KLF13: variants seen among roughly 807,000 people sequenced by gnomAD.
The protein encoded by KLF13 is KLF transcription factor 13.
KLF13 carries 8 observed loss-of-function variants against 16.7 expected under a neutral mutation model. That is an observed-to-expected ratio of 0.48 (90% CI 0.28 to 0.87). The LOEUF is 0.87. Among genes scored for constraint, KLF13 ranks in the 40% least tolerant of loss-of-function variants. The pLI, the probability that KLF13 is intolerant of heterozygous loss-of-function variation, is 0.10. For missense variants in KLF13, 447 were observed against 452.2 expected, an observed-to-expected ratio of 0.99 and a Z score of 0.10; for synonymous variants, 245 against 208.4, an observed-to-expected ratio of 1.18 and a Z score of -1.51.
At chr15:31,343,622 G>A (rs1023906506) in intron 1 of KLF13, among the ~76,000 whole-genome samples, 1 of 152,208 alleles carries the variant, frequency 6.6e-6, no homozygotes, top group Admixed American at 6.5e-5. Flanking sequence ...AGCAAGAACT[G>A]GATTTCATGT....
intron 1 of KLF13, among the ~76,000 whole-genome samples, chr15:31,338,964 C>T (rs1187248085): frequency 6.6e-6 from 1 of 152,076 alleles, no homozygotes; most frequent in East Asian, 1.9e-4. Context: ...AGGGTGAAGG[C>T]ACCCCTTCTT....
downstream of KLF13, among the ~76,000 whole-genome samples, chr15:31,381,037 T>C (rs2039718031): frequency 6.6e-6 from 1 of 152,034 alleles, no homozygotes; most frequent in Non-Finnish European, 1.5e-5. Flanking sequence ...CCGGGCATGG[T>C]GGCGGGTGCC....
chr15:31,364,945 CCT>C (rs1319042329), intron 1 of KLF13, among the ~76,000 whole-genome samples: 1 of 152,234 alleles, frequency 6.6e-6, no homozygotes, highest in Non-Finnish European at 1.5e-5. Context: ...TTCTGCTACC[CCT>C]GAGGCTGTAT....
At chr15:31,407,170 A>G (rs1358316621), downstream of KLF13, among the ~76,000 whole-genome samples, 3 of 152,166 alleles carry the variant, frequency 2.0e-5, no homozygotes, top group African/African-American at 7.2e-5. Flanking sequence ...TTCTCAAGTT[A>G]TTTGATAGGA....
At position 31,372,380 on chromosome 15, in the gene KLF13, G is replaced by T; in HGVS notation, c.*81G>T. ...CTTTTGTAATAAGAAAGAAGAGAGA[G>T]AACTTGATGCAAAGTCCACGAAAAA... On this transcript the variant is annotated 3_prime_UTR_variant, in exon 2 of 2. Transcript: ENST00000307145. 7.5e-7 allele frequency: 1 copy of T among 1,333,880 alleles called. No individual in the cohort carries two copies. The highest frequency in any genetic ancestry group is 1.9e-5 in the South Asian group (1 of 53,194). The allele number at this position is 1,333,880 out of a possible 1,614,324, so 82.6% of individuals were successfully genotyped here. A position where few individuals can be genotyped will look rare whatever the true frequency, so the allele number is the denominator to read the frequency against.
At chr15:31,328,598 C>G (rs1002649470) in intron 1 of KLF13, among the ~76,000 whole-genome samples, 5 of 151,556 alleles carry the variant, frequency 3.3e-5, no homozygotes, top group Admixed American at 6.5e-5. Flanking sequence ...TGCCCTGGGC[C>G]GGTGCGGGGC....
intron 1 of KLF13, among the ~76,000 whole-genome samples, chr15:31,340,203 C>T: frequency 6.6e-6 from 1 of 152,274 alleles, no homozygotes; most frequent in East Asian, 1.9e-4. Context: ...TGTGGGTCCT[C>T]TCTCCACTGC....
chr15:31,372,328 C>A lies in KLF13; in HGVS notation c.*29C>A. 1 of 1,439,832 alleles carries A rather than the reference C, an allele frequency of 6.9e-7. No homozygotes were observed. The highest frequency in any genetic ancestry group is 1.5e-5 in the South Asian group (1 of 68,814). The allele number at this position is 1,439,832 out of a possible 1,614,324, so 89.2% of individuals were successfully genotyped here. ...CGCCACAGCCATGAGCAGCCGCTCC[C>A]ACCCCCTCGTGAGTCCCTGGCCTTT... On this transcript the variant is annotated 3_prime_UTR_variant, in exon 2 of 2. Coordinates refer to ENST00000307145, the MANE Select transcript of KLF13 (RefSeq NM_015995.4).
intron 1 of KLF13, among the ~76,000 whole-genome samples, chr15:31,330,667 A>T (rs1024843388): frequency 6.6e-6 from 1 of 152,262 alleles, no homozygotes; most frequent in Non-Finnish European, 1.5e-5. Flanking sequence ...TGTCCTGGTT[A>T]GCTGTGTAGC....
chr15:31,402,072 G>A (rs2040045043), intron 2 of KLF13, among the ~76,000 whole-genome samples: 2 of 152,230 alleles, frequency 1.3e-5, no homozygotes, highest in Non-Finnish European at 2.9e-5. Flanking sequence ...GTCTGGGTGA[G>A]CAGCACCAAT....
rs1566848324 is a variant in KLF13 at position 31,423,140 on chromosome 15, T to TATAC, written n.118-12229_118-12226dup. Among the ~76,000 whole-genome samples the TATAC allele has an allele frequency of 2.3e-4, 10 of 43,450 alleles. 1 individual carries two copies. Among genetic ancestry groups the TATAC allele is most frequent in the African/African-American group, 7.5e-4 (3 of 3,998 alleles). The allele number at this position is 43,450 out of a possible 152,430, so 28.5% of individuals were successfully genotyped here. On this transcript the variant is annotated intron_variant and non_coding_transcript_variant, in intron 1 of 1. Coordinates refer to the KLF13 transcript ENST00000558225. ...ATATATACGTATATATACGTATACG[T>TATAC]ATACGTATATATACGTATATATATG...
At chr15:31,429,598 T>A (rs1403365036) in intron 1 of KLF13, among the ~76,000 whole-genome samples, 1 of 152,126 alleles carries the variant, frequency 6.6e-6, no homozygotes, top group African/African-American at 2.4e-5. Flanking sequence ...GTTATGTATA[T>A]TTTACCAGAA....
chr15:31,431,018 C>G (rs1415740938), intron 1 of KLF13, among the ~76,000 whole-genome samples: 1 of 152,174 alleles, frequency 6.6e-6, no homozygotes. Flanking sequence ...CGTTGAAATT[C>G]TAACCCCCAA....
chr15:31,352,561 C>A (rs982377778), intron 1 of KLF13, among the ~76,000 whole-genome samples: 15 of 152,290 alleles, frequency 9.8e-5, no homozygotes, highest in Admixed American at 8.5e-4. Flanking sequence ...GTGCCTCTGG[C>A]TCCTGGCCCT....
rs1223041418 is a variant in KLF13 at position 31,327,021 on chromosome 15, G to A, written c.-192G>A. ...TGCGCTCACTCTTCGGTGCCCGGCC[G>A]GGCCGGCGCCTCGCAGACGCGGAGC... is the stretch of plus-strand genomic sequence containing the variant. On this transcript the variant is annotated 5_prime_UTR_variant, in exon 1 of 2. Coordinates refer to ENST00000307145, the MANE Select transcript of KLF13 (RefSeq NM_015995.4). 3.7e-5 allele frequency: 11 copies of A among 297,398 alleles called. No individual in the cohort carries two copies. The highest frequency in any genetic ancestry group is 5.7e-5 in the Non-Finnish European group (11 of 193,234). 18.4% of individuals were successfully genotyped at this position (297,398 alleles called of 1,614,324 possible). A position where few individuals can be genotyped will look rare whatever the true frequency, so the allele number is the denominator to read the frequency against.
chr15:31,419,006 G>T (rs562433633), intron 1 of KLF13, among the ~76,000 whole-genome samples: 1 of 152,260 alleles, frequency 6.6e-6, no homozygotes, highest in South Asian at 2.1e-4. Flanking sequence ...TCACAGTTCT[G>T]CAGCTGTACA....
intron 2 of KLF13, among the ~76,000 whole-genome samples, chr15:31,395,948 AC>A (rs1390965257): frequency 1.3e-5 from 2 of 152,106 alleles, no homozygotes; most frequent in Non-Finnish European, 2.9e-5. Flanking sequence ...CTGGACATTC[AC>A]CAGCTTTTCT....
At chr15:31,360,535 A>G (rs986817970) in intron 1 of KLF13, among the ~76,000 whole-genome samples, 4 of 152,308 alleles carry the variant, frequency 2.6e-5, no homozygotes, top group African/African-American at 9.6e-5. Flanking sequence ...GGGTAGGGGT[A>G]ACTTGCTCCT....
chr15:31,410,246 A>G (rs2063276778), intron 1 of KLF13, among the ~76,000 whole-genome samples: 1 of 152,100 alleles, frequency 6.6e-6, no homozygotes, highest in African/African-American at 2.4e-5. Context: ...AAGAAGAGTT[A>G]TAAATAATAA....
Sources: allele counts gnomAD v4.1 joint callset (sites outside exome capture counted in the v4.1 genomes callset), GRCh38; gene constraint gnomAD v4.1.1; transcripts MANE v1.5; gene names NCBI Gene and HGNC (gene_info 2026-07-23, HGNC 2026-07-21).